TBXAS1: variants seen among roughly 807,000 people sequenced by gnomAD.
The protein encoded by TBXAS1 is thromboxane-A synthase.
A neutral mutation model predicts 60.7 loss-of-function variants in TBXAS1; 48 were observed. The ratio of observed to expected loss-of-function variants is 0.79; its 90% CI spans 0.63 to 1.01. TBXAS1 has a LOEUF of 1.01. Ranked by LOEUF, TBXAS1 falls within the 50% of genes least tolerant of loss-of-function variation. The pLI is 0.00. For synonymous variants in TBXAS1, 287 were observed against 269.7 expected (o/e 1.06, Z -0.63); for missense variants, 685 against 686.3 (o/e 1.00, Z 0.02).
At chr7:140,007,295 C>T in intron 10 of TBXAS1, 113 bp downstream of exon 10, 1 of 955,536 alleles carries the variant, frequency 1.0e-6, no homozygotes, top group Non-Finnish European at 1.7e-6. Flanking sequence ...TTCTGGAGGG[C>T]AACGCCTGAG....
At chr7:139,878,119 GAGAGAGAGAGAA>G (rs1802391254) in intron 3 of TBXAS1, among the ~76,000 whole-genome samples, 1 of 151,534 alleles carries the variant, frequency 6.6e-6, no homozygotes, top group Non-Finnish European at 1.5e-5. Context: ...GAGAGAGAGA[GAGAGAGAGAGAA>G]GGAGAGAGAG....
chr7:139,972,032 G>A (rs576622707), intron 9 of TBXAS1, among the ~76,000 whole-genome samples: 1 of 152,276 alleles, frequency 6.6e-6, no homozygotes, highest in Admixed American at 6.5e-5. Flanking sequence ...GGGTGGCACA[G>A]GGGAGGCAGG....
chr7:139,873,542 G>A (rs1203470146), intron 2 of TBXAS1, among the ~76,000 whole-genome samples: 1 of 152,188 alleles, frequency 6.6e-6, no homozygotes, highest in Non-Finnish European at 1.5e-5. Context: ...TCAAGGCAAA[G>A]TGAGTCAAAC....
intron 1 of TBXAS1, among the ~76,000 whole-genome samples, chr7:139,844,342 T>G (rs1186620846): frequency 6.6e-6 from 1 of 152,214 alleles, no homozygotes; most frequent in African/African-American, 2.4e-5. Context: ...CATCCACTGT[T>G]GATGTGATTT....
chr7:140,000,016 G>A lies in TBXAS1; in HGVS notation c.1135-7075G>A, dbSNP rs149398430. Among the ~76,000 whole-genome samples, 61 of 152,218 alleles carry A rather than the reference G, an allele frequency of 4.0e-4. 1 individual carries two copies. Among genetic ancestry groups the A allele is most frequent in the African/African-American group, 1.2e-3 (49 of 41,542 alleles). ...TCTGCACACACACCCAGTGTGTGGC[G>A]TATGTGTAGGTGTGTGACTGTGTGT... On this transcript the variant is annotated intron_variant, in intron 9 of 12. Transcript: ENST00000448866.
chr7:139,947,270 T>C (rs955013731), intron 5 of TBXAS1, among the ~76,000 whole-genome samples: 1 of 152,152 alleles, frequency 6.6e-6, no homozygotes, highest in Non-Finnish European at 1.5e-5. Flanking sequence ...TGCAGGGACA[T>C]GGATGGAGCT....
At position 139,984,995 on chromosome 7, in the gene TBXAS1, G is replaced by C. The variant is rs554451888; in HGVS notation, c.1135-22096G>C. Reference sequence around the variant, plus strand: ...CAAATTACCAGGATCTGAGGACCTGGGAGGATTTCAGAAATCGCTGGTCAG... The same window carrying C: ...CAAATTACCAGGATCTGAGGACCTGCGAGGATTTCAGAAATCGCTGGTCAG... On this transcript the variant is annotated intron_variant, in intron 9 of 12. Transcript: ENST00000448866. Among the ~76,000 whole-genome samples the C allele has an allele frequency of 1.1e-4, 16 of 151,686 alleles. No individual in the cohort carries two copies. In the South Asian group the frequency reaches 3.1e-3, roughly 30 times the overall value.
chr7:139,838,168 G>A (rs754803200), intron 1 of TBXAS1, among the ~76,000 whole-genome samples: 1 of 151,710 alleles, frequency 6.6e-6, no homozygotes, highest in East Asian at 1.9e-4. Flanking sequence ...GGGTCAGAGC[G>A]ACGCTGTCTG....
intron 1 of TBXAS1, among the ~76,000 whole-genome samples, chr7:139,855,188 A>G (rs1317276617): frequency 6.6e-6 from 1 of 152,200 alleles, no homozygotes; most frequent in African/African-American, 2.4e-5. Context: ...CTCAGCTTCC[A>G]TAACTGTAAG....
At chr7:139,868,703 C>T (rs1169290800) in intron 1 of TBXAS1, among the ~76,000 whole-genome samples, 1 of 147,430 alleles carries the variant, frequency 6.8e-6, no homozygotes, top group Non-Finnish European at 1.5e-5. Context: ...ATCATCCCAG[C>T]TGGAGCGCAG....
At chr7:139,847,264 A>T (rs985764145) in intron 1 of TBXAS1, among the ~76,000 whole-genome samples, 3 of 152,134 alleles carry the variant, frequency 2.0e-5, no homozygotes, top group African/African-American at 7.2e-5. Context: ...TCTAATTTTC[A>T]TCTGGTCTTT....
At chr7:139,913,444 ACTGT>A (rs1269613165) in intron 4 of TBXAS1, 4 of 388,734 alleles carry the variant, frequency 1.0e-5, no homozygotes, top group South Asian at 7.1e-5. Context: ...AGCACTTGAG[ACTGT>A]CTGAGCCCCT....
chr7:139,808,941 C>T lies in TBXAS1; in HGVS notation c.-79-20371C>T, dbSNP rs1195235729. Among the ~76,000 whole-genome samples the T allele has an allele frequency of 2.0e-5, 3 of 149,108 alleles. No individual in the cohort carries two copies. The Admixed American group carries it at 2.0e-4, about 10-fold the overall frequency. Reference sequence around the variant, plus strand: ...CTATTTCTAATCACTTTGGGAAATGCTCTTGGCTGCATGATGAAACAGAGT... The same window carrying T: ...CTATTTCTAATCACTTTGGGAAATGTTCTTGGCTGCATGATGAAACAGAGT... On this transcript the variant is annotated intron_variant, in intron 4 of 16. Transcript: ENST00000336425.
chr7:139,989,621 A>G (rs1281591448), intron 9 of TBXAS1, among the ~76,000 whole-genome samples: 1 of 152,132 alleles, frequency 6.6e-6, no homozygotes, highest in Non-Finnish European at 1.5e-5. Context: ...CTGGGAAGAG[A>G]CCTCACAGCA....
chr7:139,880,186 C>T (rs757668435), intron 3 of TBXAS1, among the ~76,000 whole-genome samples: 15 of 152,272 alleles, frequency 9.9e-5, no homozygotes, highest in Non-Finnish European at 2.1e-4. Flanking sequence ...TCCAGCCTAT[C>T]TCATTGTCTT....
chr7:139,980,424 T>A (rs998108757), intron 9 of TBXAS1, among the ~76,000 whole-genome samples: 16 of 152,128 alleles, frequency 1.1e-4, no homozygotes, highest in African/African-American at 3.6e-4. Context: ...GTGCTCCAAC[T>A]TGGTTACACA....
chr7:139,831,122 C>T (rs1466871881), intron 1 of TBXAS1, among the ~76,000 whole-genome samples: 1 of 151,910 alleles, frequency 6.6e-6, no homozygotes, highest in African/African-American at 2.4e-5. Flanking sequence ...TAATGTGTGC[C>T]CAGTCTGGAG....
chr7:139,893,584 A>G (rs774319316), intron 3 of TBXAS1, among the ~76,000 whole-genome samples: 1 of 152,126 alleles, frequency 6.6e-6, no homozygotes, highest in African/African-American at 2.4e-5. Flanking sequence ...CTTGCCTAAC[A>G]TCTGTTCTGA....
At chr7:139,945,539 G>A (rs979020816) in intron 5 of TBXAS1, among the ~76,000 whole-genome samples, 1 of 152,092 alleles carries the variant, frequency 6.6e-6, no homozygotes, top group Non-Finnish European at 1.5e-5. Context: ...TCATCACACA[G>A]GTATTTCTAG....
Sources: allele counts gnomAD v4.1 joint callset (sites outside exome capture counted in the v4.1 genomes callset), GRCh38; gene constraint gnomAD v4.1.1; transcripts MANE v1.5; gene names NCBI Gene and HGNC (gene_info 2026-07-23, HGNC 2026-07-21).